Variants in LMO7 observed in about 807,000 individuals in gnomAD.
LMO7 encodes the protein LIM domain only protein 7.
LMO7 carries 120 observed loss-of-function variants against 206.5 expected under a neutral mutation model. The observed-to-expected ratio is 0.58, with a 90% CI of 0.50 to 0.68. The LOEUF (loss-of-function observed/expected upper bound fraction) is 0.68, where lower values mean the gene tolerates loss of function less well. Ranked by LOEUF, LMO7 falls within the 30% of genes least tolerant of loss-of-function variation. LMO7 has a pLI of 0.00. For synonymous variants in LMO7, 706 were observed against 681.5 expected (o/e 1.04, Z -0.56); for missense variants, 1,959 against 1,957.9 (o/e 1.00, Z -0.01).
chr13:75,672,748 C>T (rs1022370026), intron 1 of LMO7, among the ~76,000 whole-genome samples: 13 of 152,142 alleles, frequency 8.5e-5, no homozygotes, highest in Non-Finnish European at 1.9e-4. Context: ...CTTGTTCTGT[C>T]CACCAAAGAT....
At chr13:75,737,903 T>A (rs1409033709) in intron 3 of LMO7, among the ~76,000 whole-genome samples, 1 of 148,136 alleles carries the variant, frequency 6.8e-6, no homozygotes, top group East Asian at 2.0e-4. Context: ...TCACCCAGTT[T>A]TCCCCATTTC....
chr13:75,692,081 G>A (rs140380924), intron 1 of LMO7, among the ~76,000 whole-genome samples: 1 of 152,218 alleles, frequency 6.6e-6, no homozygotes, highest in African/African-American at 2.4e-5. Flanking sequence ...AAAACCTCTT[G>A]ACTTTCTGCC....
At chr13:75,635,156 A>G (rs1230005622), upstream of LMO7, among the ~76,000 whole-genome samples, 1 of 152,238 alleles carries the variant, frequency 6.6e-6, no homozygotes, top group Non-Finnish European at 1.5e-5. Context: ...TAGGTTTTAG[A>G]TAGTATTCTA....
chr13:75,841,808 C>A lies in LMO7; in HGVS notation c.3856C>A (p.Pro1286Thr). The change falls in exon 24 of 31, where the codon CCG (proline) becomes ACG (threonine). Residue 1286 changes from proline to threonine, a missense_variant. Transcript: ENST00000377534. ...TGTTCATGAGGACCAAGGAAAGAAG[C>A]CGCAGGATCAGCTTGTTATTGAGAG... ...EVVHEDQGKK[P>T]QDQLVIERER... 6.2e-7 allele frequency: 1 copy of A among 1,614,052 alleles called. No individual in the cohort carries two copies. The highest frequency in any genetic ancestry group is 8.5e-7 in the Non-Finnish European group (1 of 1,179,996).
intron 1 of LMO7, among the ~76,000 whole-genome samples, chr13:75,702,994 C>G (rs2042382483): frequency 6.6e-6 from 1 of 152,190 alleles, no homozygotes; most frequent in Admixed American, 6.5e-5. Flanking sequence ...AAAAGTATCA[C>G]TAGAGTGATA....
At chr13:75,673,963 TCAAA>T (rs1015493449) in intron 1 of LMO7, among the ~76,000 whole-genome samples, 3 of 122,266 alleles carry the variant, frequency 2.5e-5, no homozygotes, top group African/African-American at 5.5e-5. Flanking sequence ...CACTGGTAAA[TCAAA>T]CTAACTGAGG....
intron 11 of LMO7, among the ~76,000 whole-genome samples, chr13:75,811,474 G>A (rs2056392589): frequency 6.6e-6 from 1 of 152,304 alleles, no homozygotes; most frequent in South Asian, 2.1e-4. Context: ...TGAACATAAT[G>A]TACGTTGTCA....
intron 1 of LMO7, among the ~76,000 whole-genome samples, chr13:75,689,985 T>C (rs548509331): frequency 2.0e-5 from 3 of 152,286 alleles, no homozygotes; most frequent in Admixed American, 6.5e-5. Flanking sequence ...AATACACTTA[T>C]TCCTCTCACT....
rs372211208 is a variant in LMO7 at position 75,808,113 on chromosome 13, C to T, written c.1830C>T (p.Gly610=). 17 of 1,613,768 alleles carry T rather than the reference C, an allele frequency of 1.1e-5. No homozygotes were observed. In the African/African-American group the frequency reaches 2.0e-4, roughly 19 times the overall value. ...TGCCTCCCATCAGTTTCACCCCTGG[C>T]CCCTGCAGTGAGGCTGACTTGAAGA... The part of the protein sequence containing the change: ...TTVPPISFTP[G]PCSEADLKRW... The change falls in exon 10 of 31, where the codon GGC becomes GGT. Residue 610 remains glycine, a synonymous_variant. Transcript: ENST00000377534.
intron 18 of LMO7, 131 bp downstream of exon 18, chr13:75,835,470 G>T: frequency 3.6e-6 from 2 of 562,848 alleles, no homozygotes; most frequent in Non-Finnish European, 3.0e-6. Context: ...ATTGAATAAT[G>T]TAAATTATAG....
chr13:75,714,667 G>A (rs1271303076), intron 2 of LMO7, among the ~76,000 whole-genome samples: 1 of 152,164 alleles, frequency 6.6e-6, no homozygotes, highest in Non-Finnish European at 1.5e-5. Context: ...AATGTGAATA[G>A]TGTTTCAATT....
At chr13:75,654,974 G>A (rs2037915563) in intron 1 of LMO7, among the ~76,000 whole-genome samples, 1 of 150,166 alleles carries the variant, frequency 6.7e-6, no homozygotes, top group Non-Finnish European at 1.5e-5. Flanking sequence ...CGGGTTCCTC[G>A]ATTCTCCTGC....
intron 1 of LMO7, among the ~76,000 whole-genome samples, chr13:75,699,155 A>G (rs1270232318): frequency 1.3e-5 from 2 of 152,194 alleles, no homozygotes; most frequent in Non-Finnish European, 2.9e-5. Flanking sequence ...CTTATCAGGA[A>G]GTACGTTTCC....
intron 3 of LMO7, among the ~76,000 whole-genome samples, chr13:75,729,103 G>A (rs1184754949): frequency 1.3e-4 from 20 of 151,032 alleles, no homozygotes; most frequent in African/African-American, 4.1e-4. Context: ...TTGACTTGGT[G>A]ATGCGGGCTC....
At chr13:75,635,499 C>T (rs1483386848), upstream of LMO7, among the ~76,000 whole-genome samples, 1 of 152,204 alleles carries the variant, frequency 6.6e-6, no homozygotes, top group Non-Finnish European at 1.5e-5. Flanking sequence ...TAACCTGCCA[C>T]CTCGCTGTCC....
chr13:75,844,440 C>T (rs138909465), intron 25 of LMO7, among the ~76,000 whole-genome samples: 504 of 148,268 alleles, frequency 3.4e-3, no homozygotes, highest in African/African-American at 9.1e-3. Context: ...GACGTAGTCT[C>T]GCTCTGTCGC....
chr13:75,698,477 A>G (rs2042047725), intron 1 of LMO7, among the ~76,000 whole-genome samples: 1 of 151,902 alleles, frequency 6.6e-6, no homozygotes, highest in Non-Finnish European at 1.5e-5. Flanking sequence ...TTTTGTAGAG[A>G]TGGCTTCTCA....
chr13:75,735,620 C>T (rs1043470167), intron 3 of LMO7, among the ~76,000 whole-genome samples: 4 of 150,946 alleles, frequency 2.6e-5, no homozygotes, highest in Admixed American at 6.6e-5. Context: ...CGGCACCACA[C>T]GCAGCTAATT....
intron 3 of LMO7, among the ~76,000 whole-genome samples, chr13:75,732,352 C>G (rs1348888756): frequency 8.1e-6 from 1 of 122,802 alleles, no homozygotes; most frequent in Non-Finnish European, 1.8e-5. Context: ...CTAAACTTCC[C>G]TTCTTGCTTC....
Sources: gnomAD v4.1 joint callset for allele counts (sites outside exome capture counted in the v4.1 genomes callset) on GRCh38, gnomAD v4.1.1 for gene constraint, MANE v1.5 for transcripts, NCBI Gene and HGNC (gene_info 2026-07-23, HGNC 2026-07-21) for gene names.